Variants in RTN1 observed in about 807,000 individuals in gnomAD.
The protein encoded by RTN1 is reticulon 1.
Under a neutral mutation model 65.5 loss-of-function variants are expected in RTN1, and 25 were observed. The ratio of observed to expected loss-of-function variants is 0.38; its 90% CI spans 0.28 to 0.53. RTN1 has a LOEUF of 0.53. RTN1 is among the 20% of genes least tolerant of loss of function. The pLI is 0.79. For synonymous variants in RTN1, 471 were observed against 447.6 expected (o/e 1.05, Z -0.66); for missense variants, 983 against 1,025.4 (o/e 0.96, Z 0.57).
At chr14:59,828,541 G>A (rs1343614383) in intron 1 of RTN1, among the ~76,000 whole-genome samples, 1 of 152,136 alleles carries the variant, frequency 6.6e-6, no homozygotes, top group Non-Finnish European at 1.5e-5. Flanking sequence ...CAGAGGGAAG[G>A]TTGCAGACTT....
chr14:59,826,251 A>C (rs1887028854), intron 1 of RTN1, among the ~76,000 whole-genome samples: 1 of 152,218 alleles, frequency 6.6e-6, no homozygotes, highest in African/African-American at 2.4e-5. Flanking sequence ...TAAACTAGAT[A>C]ACCTTTGGAA....
chr14:59,676,972 G>A (rs890671840), intron 3 of RTN1, among the ~76,000 whole-genome samples: 10 of 152,190 alleles, frequency 6.6e-5, no homozygotes, highest in African/African-American at 2.4e-4. Flanking sequence ...GGAACAGATT[G>A]ATCATTGTCA....
At chr14:59,809,678 G>C (rs1166458315) in intron 1 of RTN1, among the ~76,000 whole-genome samples, 1 of 152,142 alleles carries the variant, frequency 6.6e-6, no homozygotes, top group Admixed American at 6.5e-5. Context: ...AAATAAGAGA[G>C]TCCCAAAGGC....
At chr14:59,838,354 C>A (rs1228234347) in intron 1 of RTN1, among the ~76,000 whole-genome samples, 2 of 152,160 alleles carry the variant, frequency 1.3e-5, no homozygotes, top group Non-Finnish European at 2.9e-5. Flanking sequence ...TGACCCAGAA[C>A]TTCCACTTCC....
At chr14:59,792,654 C>T (rs978836077) in intron 1 of RTN1, among the ~76,000 whole-genome samples, 1 of 152,150 alleles carries the variant, frequency 6.6e-6, no homozygotes, top group Non-Finnish European at 1.5e-5. Context: ...ACTGTCATTC[C>T]AATTTCATTG....
At chr14:59,723,025 T>C (rs1435496340) in intron 3 of RTN1, among the ~76,000 whole-genome samples, 1 of 152,148 alleles carries the variant, frequency 6.6e-6, no homozygotes, top group Non-Finnish European at 1.5e-5. Context: ...CTTGAACTCC[T>C]GGGCTCAAGT....
chr14:59,687,419 G>A (rs1435121391), intron 3 of RTN1, among the ~76,000 whole-genome samples: 1 of 151,750 alleles, frequency 6.6e-6, no homozygotes, highest in African/African-American at 2.4e-5. Context: ...ATAGATCATG[G>A]TATGAGGGGC....
chr14:59,648,613 G>A (rs1236872186), intron 3 of RTN1, among the ~76,000 whole-genome samples: 1 of 152,102 alleles, frequency 6.6e-6, no homozygotes, highest in Non-Finnish European at 1.5e-5. Context: ...TTTATCCCTG[G>A]GATGCAAGGT....
chr14:59,724,611 T>C (rs1369624546), intron 3 of RTN1, among the ~76,000 whole-genome samples: 1 of 151,768 alleles, frequency 6.6e-6, no homozygotes, highest in African/African-American at 2.4e-5. Flanking sequence ...ACGCCTGTAA[T>C]CCCAGCACTT....
chr14:59,601,950 C>G (rs1258254612), intron 8 of RTN1, among the ~76,000 whole-genome samples: 1 of 152,074 alleles, frequency 6.6e-6, no homozygotes, highest in Non-Finnish European at 1.5e-5. Flanking sequence ...GTATTGGTTA[C>G]ACCTGGGTCC....
intron 5 of RTN1, chr14:59,604,434 G>A (rs1434649007): frequency 2.0e-5 from 3 of 153,186 alleles, no homozygotes; most frequent in African/African-American, 4.8e-5. Context: ...TCTACCATCT[G>A]TCTCTTTACG....
chr14:59,748,181 G>A (rs1030989103), intron 1 of RTN1, among the ~76,000 whole-genome samples: 4 of 147,978 alleles, frequency 2.7e-5, no homozygotes, highest in South Asian at 2.1e-4. Context: ...CCCCTAATGC[G>A]CTTTGCCCCG....
chr14:59,649,237 C>G (rs544294472), intron 3 of RTN1, among the ~76,000 whole-genome samples: 1 of 152,310 alleles, frequency 6.6e-6, no homozygotes, highest in East Asian at 1.9e-4. Context: ...ACCTTCCTTA[C>G]ACCTTATACA....
intron 1 of RTN1, among the ~76,000 whole-genome samples, chr14:59,826,795 G>C (rs1887038917): frequency 6.6e-6 from 1 of 152,186 alleles, no homozygotes; most frequent in Non-Finnish European, 1.5e-5. Context: ...ATGGAAAAAA[G>C]ACAGGGCCCT....
intron 3 of RTN1, among the ~76,000 whole-genome samples, chr14:59,621,742 A>T (rs76702972): frequency 0.028 from 4,252 of 152,340 alleles, 120 homozygotes; most frequent in African/African-American, 0.069. Context: ...CTGTAGTCCA[A>T]ATTTTTGTTT....
chr14:59,612,512 T>C (rs1881983191), intron 3 of RTN1, among the ~76,000 whole-genome samples: 1 of 152,242 alleles, frequency 6.6e-6, no homozygotes, highest in Admixed American at 6.5e-5. Flanking sequence ...GAAACTAGTC[T>C]TAGGCTGTAG....
chr14:59,846,880 A>G lies in RTN1; in HGVS notation c.241+23510T>C, dbSNP rs1887420511. On this transcript the variant is annotated intron_variant, in intron 1 of 8. Transcript: ENST00000267484. This position sits in a 1 kb window ranked among gnomAD's most constrained non-coding sequence, Gnocchi z 4.8. ...ATGAGACTGATTTTGCTTGAGAACCAGGAATAATCTGGAGGCTTAAAGATA... is the reference window on the plus strand; with the variant it reads ...ATGAGACTGATTTTGCTTGAGAACCGGGAATAATCTGGAGGCTTAAAGATA... 1.3e-5 allele frequency among the ~76,000 whole-genome samples: 2 copies of G among 152,172 alleles called. No homozygotes were observed. The highest frequency in any genetic ancestry group is 2.9e-5 in the Non-Finnish European group (2 of 68,014).
intron 1 of RTN1, among the ~76,000 whole-genome samples, chr14:59,854,433 G>A (rs868841676): frequency 5.3e-5 from 8 of 151,816 alleles, no homozygotes; most frequent in Non-Finnish European, 8.8e-5. Context: ...ATAAGGTCAG[G>A]AGATCAAGAC....
intron 1 of RTN1, among the ~76,000 whole-genome samples, chr14:59,838,654 C>T (rs923300478): frequency 3.3e-5 from 5 of 152,044 alleles, no homozygotes; most frequent in Non-Finnish European, 2.9e-5. Context: ...TTGGCACACA[C>T]GTATATATGT....
Sources: allele counts gnomAD v4.1 joint callset (sites outside exome capture counted in the v4.1 genomes callset), GRCh38; gene constraint gnomAD v4.1.1; non-coding constraint Gnocchi (gnomAD v3.1); transcripts MANE v1.5; gene names NCBI Gene and HGNC (gene_info 2026-07-23, HGNC 2026-07-21).